Variants in KCNMA1 observed in about 807,000 individuals in gnomAD.
The protein encoded by KCNMA1 is Calcium-activated potassium channel subunit alpha-1.
Under a neutral mutation model 140.0 loss-of-function variants are expected in KCNMA1, and 29 were observed. The observed-to-expected ratio is 0.21, with a 90% CI of 0.15 to 0.28. KCNMA1 has a LOEUF of 0.28. KCNMA1 is among the 10% of genes least tolerant of loss of function. KCNMA1 has a pLI of 1.00. For synonymous variants in KCNMA1, 612 were observed against 611.9 expected, an observed-to-expected ratio of 1.00 and a Z score of 0.00; for missense variants, 880 against 1,602.2, an observed-to-expected ratio of 0.55 and a Z score of 7.70.
At chr10:77,382,994 G>GTGTGTGTATATA (rs1491457588) in intron 2 of KCNMA1, among the ~76,000 whole-genome samples, 1 of 46,424 alleles carries the variant, frequency 2.2e-5, no homozygotes, top group Non-Finnish European at 4.0e-5. Flanking sequence ...GTGTGTGTGT[G>GTGTGTGTATATA]TATATATATA....
At chr10:77,063,274 G>T (rs2095822898) in intron 14 of KCNMA1, among the ~76,000 whole-genome samples, 1 of 152,010 alleles carries the variant, frequency 6.6e-6, no homozygotes, top group Non-Finnish European at 1.5e-5. Context: ...TTAGCCGGGT[G>T]TGGTGGCTCG....
At chr10:76,906,189 G>A (rs1447942568) in intron 25 of KCNMA1, among the ~76,000 whole-genome samples, 1 of 149,604 alleles carries the variant, frequency 6.7e-6, no homozygotes, top group Non-Finnish European at 1.5e-5. Context: ...GCTTAAGTTG[G>A]GGCTGGGGTT....
In KCNMA1 at chr10:77,520,001, A is replaced by ATATGCAGTGTGAGGGCTGGGG. The variant is rs1567294744; in HGVS notation, c.379-115999_379-115979dup. Among the ~76,000 whole-genome samples, 30 of 71,076 alleles carry ATATGCAGTGTGAGGGCTGGGG rather than the reference A, an allele frequency of 4.2e-4. 1 individual carries two copies. The highest frequency in any genetic ancestry group is 7.1e-4 in the Non-Finnish European group (24 of 33,596). The allele number at this position is 71,076 out of a possible 152,430, so 46.6% of individuals were successfully genotyped here. On this transcript the variant is annotated intron_variant, in intron 1 of 27. Transcript: ENST00000286628. ...GAGGGTGTGCAGTGTGAGGTCTGGC[A>ATATGCAGTGTGAGGGCTGGGG]TATGCAGTGTGAGGGCTGGGGTATG...
chr10:77,236,716 C>A (rs55862247), intron 3 of KCNMA1, among the ~76,000 whole-genome samples: 6 of 152,196 alleles, frequency 3.9e-5, no homozygotes, highest in South Asian at 2.1e-4. Flanking sequence ...GTACATAGAT[C>A]TATATATGTA....
At chr10:77,410,618 T>C (rs2096597052) in intron 1 of KCNMA1, among the ~76,000 whole-genome samples, 1 of 152,244 alleles carries the variant, frequency 6.6e-6, no homozygotes, top group South Asian at 2.1e-4. Flanking sequence ...CTCCTATGGC[T>C]TCTTGGCCCA....
chr10:76,944,798 G>T lies in KCNMA1; in HGVS notation c.2877C>A (p.Ile959=), dbSNP rs200108144. The change falls in exon 23 of 28, where the codon ATC becomes ATA. Residue 959 remains isoleucine (I), a synonymous_variant. Transcript: ENST00000286628. ...CTTGGGAATTAGCCTGCAAGACTCC[G>T]ATGCTGTCATCAAACTGCATAGATT... ...NIKSMQFDDS[I]GVLQANSQGF... 1 of 1,614,120 alleles carries T rather than the reference G, an allele frequency of 6.2e-7. No homozygotes were observed. The highest frequency in any genetic ancestry group is 1.7e-5 in the Admixed American group (1 of 60,026).
chr10:77,386,444 C>T (rs1313692306), intron 2 of KCNMA1, among the ~76,000 whole-genome samples: 2 of 152,126 alleles, frequency 1.3e-5, no homozygotes, highest in Non-Finnish European at 2.9e-5. Flanking sequence ...AGTTACGGCC[C>T]AAGAATATGA....
intron 1 of KCNMA1, among the ~76,000 whole-genome samples, chr10:77,432,650 C>G (rs1390048666): frequency 6.6e-6 from 1 of 152,214 alleles, no homozygotes; most frequent in African/African-American, 2.4e-5. Context: ...CAGGCCCAGA[C>G]AGCAGAGATC....
At chr10:77,164,216 C>T (rs1170830530) in intron 5 of KCNMA1, among the ~76,000 whole-genome samples, 3 of 152,280 alleles carry the variant, frequency 2.0e-5, no homozygotes, top group South Asian at 2.1e-4. Flanking sequence ...CAAGGCAAGG[C>T]GGCCAGCCCC....
intron 5 of KCNMA1, among the ~76,000 whole-genome samples, chr10:77,165,050 T>C (rs1485193096): frequency 6.6e-6 from 1 of 152,164 alleles, no homozygotes; most frequent in Non-Finnish European, 1.5e-5. Context: ...AGTTGATTCA[T>C]GCCATGAAAA....
chr10:77,524,004 C>A (rs1488200175), intron 1 of KCNMA1, among the ~76,000 whole-genome samples: 4 of 152,156 alleles, frequency 2.6e-5, no homozygotes, highest in African/African-American at 9.7e-5. Context: ...TATTCACTCT[C>A]CATGATGTGC....
At chr10:76,901,335 T>C (rs2152148570) in intron 25 of KCNMA1, 1 of 152,326 alleles carries the variant, frequency 6.6e-6, no homozygotes, top group South Asian at 2.1e-4. Context: ...TGTCTTCTTT[T>C]ATATGTTTCT....
intron 3 of KCNMA1, among the ~76,000 whole-genome samples, chr10:77,203,853 T>G (rs1279301577): frequency 6.6e-6 from 1 of 152,006 alleles, no homozygotes; most frequent in African/African-American, 2.4e-5. Flanking sequence ...TCCCAGCACT[T>G]TGGGAGGCTG....
chr10:76,888,630 T>C (rs888500713), intron 27 of KCNMA1, among the ~76,000 whole-genome samples: 10 of 152,196 alleles, frequency 6.6e-5, no homozygotes, highest in African/African-American at 2.2e-4. Context: ...AAAAATATAA[T>C]TGGCACATCT....
intron 1 of KCNMA1, among the ~76,000 whole-genome samples, chr10:77,540,476 C>A (rs557903079): frequency 6.6e-6 from 1 of 152,260 alleles, no homozygotes; most frequent in East Asian, 1.9e-4. Flanking sequence ...CTTCTTGATA[C>A]CATACTTATG....
chr10:77,539,888 G>A (rs1479924155), intron 1 of KCNMA1, among the ~76,000 whole-genome samples: 3 of 152,128 alleles, frequency 2.0e-5, no homozygotes, highest in South Asian at 2.1e-4. Context: ...AAAATAACCA[G>A]CTAAAGGGGC....
At chr10:77,230,323 G>T (rs1183189485) in intron 3 of KCNMA1, among the ~76,000 whole-genome samples, 2 of 152,184 alleles carry the variant, frequency 1.3e-5, no homozygotes, top group Non-Finnish European at 2.9e-5. Context: ...TGAGTATGGG[G>T]TTTCCTTTTG....
intron 1 of KCNMA1, among the ~76,000 whole-genome samples, chr10:77,571,031 A>C (rs2071075341): frequency 6.6e-6 from 1 of 152,144 alleles, no homozygotes; most frequent in Non-Finnish European, 1.5e-5. Context: ...ATTGCTGAAG[A>C]TCTTCAGTTT....
At chr10:77,088,601 T>C (rs963323960) in intron 10 of KCNMA1, among the ~76,000 whole-genome samples, 7 of 152,106 alleles carry the variant, frequency 4.6e-5, no homozygotes, top group Non-Finnish European at 8.8e-5. Flanking sequence ...GGCTAATCTT[T>C]CTATTTTTGT....
Sources: gnomAD v4.1 joint callset for allele counts (sites outside exome capture counted in the v4.1 genomes callset) on GRCh38, gnomAD v4.1.1 for gene constraint, MANE v1.5 for transcripts, NCBI Gene and HGNC (gene_info 2026-07-23, HGNC 2026-07-21) for gene names.